The following ZNF782 variants were observed in gnomAD, a reference collection of about 807,000 sequenced individuals.
The protein encoded by ZNF782 is zinc finger protein 782.
Under a neutral mutation model 13.0 loss-of-function variants are expected in ZNF782, and 12 were observed. The ratio of observed to expected loss-of-function variants is 0.92; its 90% CI spans 0.59 to 1.50. The LOEUF is 1.50. Among genes scored for constraint, ZNF782 ranks in the 40% most tolerant of loss-of-function variants. The pLI is 0.00. For missense variants in ZNF782, 770 were observed against 822.9 expected (o/e 0.94, Z 0.79); for synonymous variants, 284 against 283.0 (o/e 1.00, Z -0.04).
rs1355264196 is a variant in ZNF782 at position 96,830,041 on chromosome 9, GGAGAAGCT to G, written c.143-2868_143-2861del. Among the ~76,000 whole-genome samples, 4 of 152,120 alleles carry G rather than the reference GGAGAAGCT, an allele frequency of 2.6e-5. No individual in the cohort carries two copies. In the East Asian group the frequency reaches 7.7e-4, roughly 29 times the overall value. ...CCTCATATATTCCAAATTAGAAGCT[GGAGAAGCT>G]GGCAACAAACAACATGAATGTGGAG... On this transcript the variant is annotated intron_variant, in intron 4 of 5. Coordinates refer to ENST00000481138, the MANE Select transcript of ZNF782 (RefSeq NM_001001662.3).
chr9:96,854,785 AT>A (rs977401963), upstream of ZNF782, among the ~76,000 whole-genome samples: 6 of 149,886 alleles, frequency 4.0e-5, no homozygotes, highest in South Asian at 2.1e-4. Context: ...TTGAACCAAC[AT>A]TTTTTTTTTC....
intron 4 of ZNF782, among the ~76,000 whole-genome samples, chr9:96,835,362 T>C (rs1564003329): frequency 6.6e-6 from 1 of 152,208 alleles, no homozygotes; most frequent in Non-Finnish European, 1.5e-5. Flanking sequence ...TTAGAAAAGA[T>C]ATCCATTGAT....
At chr9:96,836,156 C>G (rs1850989563) in intron 4 of ZNF782, among the ~76,000 whole-genome samples, 1 of 152,104 alleles carries the variant, frequency 6.6e-6, no homozygotes, top group Non-Finnish European at 1.5e-5. Context: ...TAATGTCTGC[C>G]CTGCTGGGTT....
intron 1 of ZNF782, 113 bp from the exon 2 acceptor site, chr9:96,853,182 C>T (rs1428672258): frequency 6.6e-6 from 1 of 152,526 alleles, no homozygotes; most frequent in African/African-American, 2.4e-5. Context: ...CCTGAGCAGC[C>T]TGTCCCTGGC....
chr9:96,827,219 C>T, intron 4 of ZNF782, 38 bp from the exon 5 acceptor site: 1 of 1,457,160 alleles, frequency 6.9e-7, no homozygotes, highest in Non-Finnish European at 9.5e-7. Context: ...GCATTAGTTG[C>T]ATAGGTTCTA....
the ZNF782 span, among the ~76,000 whole-genome samples, chr9:96,905,643 T>C: frequency 2.6e-5 from 4 of 151,878 alleles, no homozygotes; most frequent in Non-Finnish European, 1.5e-5. Flanking sequence ...TGGAGTACAG[T>C]GGCGCGATCT....
intron 4 of ZNF782, among the ~76,000 whole-genome samples, chr9:96,828,895 C>A (rs1212939103): frequency 6.6e-6 from 1 of 151,500 alleles, no homozygotes; most frequent in East Asian, 1.9e-4. Context: ...ATTGCTAAAA[C>A]CTGCTGAAAA....
At chr9:96,932,794 A>G in the ZNF782 span, among the ~76,000 whole-genome samples, 1 of 151,706 alleles carries the variant, frequency 6.6e-6, no homozygotes, top group Non-Finnish European at 1.5e-5. Context: ...TTGGGATTAC[A>G]GGCATGTGCC....
chr9:96,874,218 C>G (rs984982802), intron 1 of ZNF782, among the ~76,000 whole-genome samples: 6 of 152,164 alleles, frequency 3.9e-5, no homozygotes, highest in African/African-American at 7.2e-5. Context: ...CTGACACAAA[C>G]TAAGTGGGTC....
intron 3 of ZNF782, among the ~76,000 whole-genome samples, chr9:96,851,650 T>C (rs1207201161): frequency 6.6e-6 from 1 of 152,202 alleles, no homozygotes; most frequent in African/African-American, 2.4e-5. Context: ...AGAAAATCCA[T>C]TATATTATTC....
chr9:96,876,845 A>G (rs563465756), upstream of ZNF782, among the ~76,000 whole-genome samples: 43 of 151,556 alleles, frequency 2.8e-4, no homozygotes, highest in African/African-American at 1.0e-3. Flanking sequence ...GTCTCTACTA[A>G]AATACAAAAA....
At chr9:96,886,429 G>C in the ZNF782 span, among the ~76,000 whole-genome samples, 1 of 152,094 alleles carries the variant, frequency 6.6e-6, no homozygotes, top group African/African-American at 2.4e-5. Context: ...ACCTAATATG[G>C]TGTTCAATGT....
the ZNF782 span, among the ~76,000 whole-genome samples, chr9:96,882,473 T>A: frequency 6.6e-6 from 1 of 152,210 alleles, no homozygotes; most frequent in South Asian, 2.1e-4. Context: ...TAATCAGGTA[T>A]TTTGAATTAT....
the ZNF782 span, among the ~76,000 whole-genome samples, chr9:96,906,367 G>C: frequency 6.7e-6 from 1 of 148,926 alleles, no homozygotes; most frequent in Admixed American, 6.6e-5. Context: ...CCTGGAGAGA[G>C]CATCAGATCC....
chr9:96,917,350 A>C, the ZNF782 span, among the ~76,000 whole-genome samples: 1 of 151,386 alleles, frequency 6.6e-6, no homozygotes, highest in African/African-American at 2.4e-5. Flanking sequence ...ATGTTTAGCA[A>C]GGCTATTTGT....
chr9:96,909,794 C>T, the ZNF782 span, among the ~76,000 whole-genome samples: 1 of 151,688 alleles, frequency 6.6e-6, no homozygotes, highest in Non-Finnish European at 1.5e-5. Context: ...ATTTTTAAGA[C>T]CAAAAGCTTG....
At chr9:96,926,855 T>A in the ZNF782 span, among the ~76,000 whole-genome samples, 3 of 152,196 alleles carry the variant, frequency 2.0e-5, no homozygotes, top group Admixed American at 6.5e-5. Context: ...TTTCAGTGAA[T>A]GTTCACAGTG....
chr9:96,875,265 T>C (rs1418351138), intron 1 of ZNF782, among the ~76,000 whole-genome samples: 1 of 152,222 alleles, frequency 6.6e-6, no homozygotes, highest in Non-Finnish European at 1.5e-5. Flanking sequence ...AGGTGAGTCA[T>C]CCAATGAAAA....
intron 1 of ZNF782, among the ~76,000 whole-genome samples, chr9:96,867,648 C>T (rs760771224): frequency 5.3e-5 from 8 of 152,210 alleles, no homozygotes; most frequent in East Asian, 3.9e-4. Context: ...GTAATAGTGA[C>T]GACTAGTAAA....
Sources: gnomAD v4.1 joint callset for allele counts (sites outside exome capture counted in the v4.1 genomes callset) on GRCh38, gnomAD v4.1.1 for gene constraint, MANE v1.5 for transcripts, NCBI Gene and HGNC (gene_info 2026-07-23, HGNC 2026-07-21) for gene names.